Variants in FAM13A observed in about 807,000 individuals in gnomAD.
FAM13A encodes family with sequence similarity 13 member A.
Under a neutral mutation model 129.6 loss-of-function variants are expected in FAM13A, and 76 were observed. The observed-to-expected ratio is 0.59, with a 90% confidence interval of 0.49 to 0.71. The LOEUF (loss-of-function observed/expected upper bound fraction) is 0.71, where lower values mean the gene tolerates loss of function less well. Ranked by LOEUF, FAM13A falls within the 30% of genes least tolerant of loss-of-function variation. The probability of loss-of-function intolerance (pLI) is 0.00; values close to 1 mark genes in which losing one functional copy is unlikely to be tolerated. For missense variants in FAM13A, 1,108 were observed against 1,249.3 expected, an observed-to-expected ratio of 0.89 and a Z score of 1.70; for synonymous variants, 443 against 449.9, an observed-to-expected ratio of 0.98 and a Z score of 0.20.
chr4:88,759,029 A>G, intron 13 of FAM13A, 128 bp from the exon 14 acceptor site: 2 of 974,204 alleles, frequency 2.1e-6, no homozygotes, highest in Non-Finnish European at 3.0e-6. Context: ...GCACAGAAAT[A>G]AAAATCATGG....
intron 3 of FAM13A, among the ~76,000 whole-genome samples, chr4:89,011,428 T>A (rs1241109621): frequency 1.3e-5 from 2 of 152,212 alleles, no homozygotes; most frequent in African/African-American, 2.4e-5. Context: ...ATACAGATGG[T>A]TATAGGACTA....
At chr4:88,960,821 T>C (rs1758501692) in intron 4 of FAM13A, among the ~76,000 whole-genome samples, 1 of 152,206 alleles carries the variant, frequency 6.6e-6, no homozygotes, top group Non-Finnish European at 1.5e-5. Flanking sequence ...CAATTTACAT[T>C]TGCAAAGCAG....
rs1482394321 is a variant in FAM13A, at chr4:88,731,422, T to A, written c.2850A>T (p.Glu950Asp). 1 of 1,584,600 alleles carries A rather than the reference T, an allele frequency of 6.3e-7. No individual in the cohort carries two copies. The highest frequency in any genetic ancestry group is 1.7e-5 in the Admixed American group (1 of 59,726). Residue 950 changes from glutamate (E) to aspartate (D), a missense_variant, in exon 23 of 24, where the codon GAA becomes GAT. This residue lies in a region of FAM13A where 529 missense variants were observed against 621.2 expected (regional missense o/e 0.85). Coordinates refer to ENST00000264344, the MANE Select transcript of FAM13A (RefSeq NM_014883.4). ...TCATTTCCTGGAGGTGTTCCAGGAG[T>A]TCAGGTCTAAGAGAGAGGAAGCATT... ...LSNLHAASIPELLEHLQEMRE... is the reference protein window; with the variant it reads ...LSNLHAASIPDLLEHLQEMRE...
intron 3 of FAM13A, among the ~76,000 whole-genome samples, chr4:88,997,905 T>C (rs1763772730): frequency 6.6e-6 from 1 of 152,204 alleles, no homozygotes; most frequent in African/African-American, 2.4e-5. Flanking sequence ...GAAAACTTGC[T>C]AATCTATTAG....
chr4:88,864,828 G>A lies in FAM13A; in HGVS notation c.844-13645C>T, dbSNP rs553235701. Among the ~76,000 whole-genome samples the A allele has an allele frequency of 7.9e-5, 12 of 152,276 alleles. 1 individual carries two copies. Among genetic ancestry groups the A allele is most frequent in the Middle Eastern group, 6.8e-3 (2 of 294 alleles). On this transcript the variant is annotated intron_variant, in intron 6 of 23. Transcript: ENST00000264344. Reference sequence around the variant, plus strand: ...CAAAATGTCCCTTTCTCTGTCATTCGTAAGTGTAAGTAGTTAAATGGAAAG... The same window carrying A: ...CAAAATGTCCCTTTCTCTGTCATTCATAAGTGTAAGTAGTTAAATGGAAAG...
chr4:88,780,929 A>G (rs77872033), intron 11 of FAM13A, among the ~76,000 whole-genome samples: 3 of 152,296 alleles, frequency 2.0e-5, no homozygotes, highest in Admixed American at 1.3e-4. Context: ...AGAGAAAAAA[A>G]CAATGGAAAT....
intron 4 of FAM13A, among the ~76,000 whole-genome samples, chr4:88,975,676 T>C (rs1760801691): frequency 6.6e-6 from 1 of 152,240 alleles, no homozygotes; most frequent in Non-Finnish European, 1.5e-5. Flanking sequence ...CGAATTTGCT[T>C]TTTCTCTGCA....
intron 7 of FAM13A, among the ~76,000 whole-genome samples, chr4:88,822,354 C>A (rs1033046896): frequency 2.6e-5 from 4 of 152,156 alleles, no homozygotes; most frequent in Non-Finnish European, 5.9e-5. Flanking sequence ...TCGCCTCCCC[C>A]CAGACCCACA....
intron 5 of FAM13A, among the ~76,000 whole-genome samples, chr4:88,927,372 TA>T (rs1752366254): frequency 6.7e-6 from 1 of 148,694 alleles, no homozygotes; most frequent in South Asian, 2.1e-4. Context: ...GATTTCTAGA[TA>T]TAAGATTGTA....
At chr4:88,873,369 A>G (rs1044299858) in intron 6 of FAM13A, among the ~76,000 whole-genome samples, 1 of 152,228 alleles carries the variant, frequency 6.6e-6, no homozygotes, top group Non-Finnish European at 1.5e-5. Flanking sequence ...TTTTGAAAGG[A>G]TCAACAAAAT....
chr4:88,933,175 C>T (rs1753320820), intron 5 of FAM13A, among the ~76,000 whole-genome samples: 1 of 152,080 alleles, frequency 6.6e-6, no homozygotes, highest in South Asian at 2.1e-4. Context: ...AGTCTTATAA[C>T]ATGTTTATCT....
chr4:89,020,547 C>G lies in FAM13A; in HGVS notation c.340G>C (p.Ala114Pro), dbSNP rs772933105. 9.3e-6 allele frequency: 15 copies of G among 1,614,120 alleles called. 1 individual carries two copies. The South Asian group carries it at 1.3e-4, about 14-fold the overall frequency. ...CTCAGAAACAGCTTCAACAGACTGG[C>G]TGCTGAGCAGACATCACCGTCCTTC... ...LGKDGDVCSA[A>P]SLLKLFLREL... The change falls in exon 3 of 24, where the codon GCC (alanine) becomes CCC (proline). Residue 114 changes from alanine to proline, a missense_variant. Ala to Pro is a conservative substitution (Grantham distance 27, BLOSUM62 -1). Around this residue, in one of 3 missense-constraint regions of FAM13A, gnomAD observed 566 missense variants for 595.7 expected, o/e 0.95. Coordinates refer to ENST00000264344, the MANE Select transcript of FAM13A (RefSeq NM_014883.4).
At chr4:89,032,152 G>A (rs1016650835) in intron 1 of FAM13A, among the ~76,000 whole-genome samples, 9 of 152,190 alleles carry the variant, frequency 5.9e-5, no homozygotes, top group South Asian at 2.1e-4. Flanking sequence ...GCTGAGGCTC[G>A]GAGAATGGCG....
At chr4:88,778,318 G>T (rs1167433984) in intron 11 of FAM13A, among the ~76,000 whole-genome samples, 1 of 152,182 alleles carries the variant, frequency 6.6e-6, no homozygotes, top group African/African-American at 2.4e-5. Context: ...GGCAAGACCA[G>T]TCTCCTGGCT....
intron 7 of FAM13A, among the ~76,000 whole-genome samples, chr4:88,820,218 A>C (rs923340738): frequency 2.6e-5 from 4 of 152,238 alleles, no homozygotes; most frequent in Non-Finnish European, 5.9e-5. Context: ...TGCCCCTAAT[A>C]AAATCACACA....
chr4:88,865,592 C>T (rs1740249297), intron 6 of FAM13A, among the ~76,000 whole-genome samples: 1 of 152,178 alleles, frequency 6.6e-6, no homozygotes, highest in South Asian at 2.1e-4. Flanking sequence ...CATCAATCTA[C>T]AGCAATTATG....
At chr4:88,905,861 A>C (rs1346117973) in intron 6 of FAM13A, 1 of 152,602 alleles carries the variant, frequency 6.6e-6, no homozygotes, top group Non-Finnish European at 1.5e-5. Flanking sequence ...GGTACTGTAT[A>C]AAAAGTGCTT....
chr4:88,995,586 T>TG (rs1763443636), intron 3 of FAM13A, among the ~76,000 whole-genome samples: 3 of 152,110 alleles, frequency 2.0e-5, no homozygotes, highest in African/African-American at 7.2e-5. Context: ...CTTGGACCCT[T>TG]GTATTTTCCA....
At position 88,977,232 on chromosome 4, in the gene FAM13A, T is replaced by G. The variant is rs1313512483; in HGVS notation, c.605+13741A>C. The stretch of plus-strand genomic sequence containing the variant: ...GTGATTAAGTTAAAAAAGGGTTACT[T>G]GAACACAAGCCCTGAAATACCACAC... On this transcript the variant is annotated intron_variant, in intron 4 of 23. Transcript: ENST00000264344. Among the ~76,000 whole-genome samples the G allele has an allele frequency of 4.6e-5, 7 of 152,274 alleles. No homozygotes were observed. The East Asian group carries it at 1.2e-3, about 25-fold the overall frequency.
Sources: gnomAD v4.1 joint callset for allele counts (sites outside exome capture counted in the v4.1 genomes callset) on GRCh38, gnomAD v4.1.1 for gene constraint, gnomAD v4.1.1 regional missense constraint, MANE v1.5 for transcripts, NCBI Gene and HGNC (gene_info 2026-07-23, HGNC 2026-07-21) for gene names.